Variants in FGD5 observed in about 807,000 individuals in gnomAD.
FGD5 encodes FYVE, RhoGEF and PH domain containing 5, also known as FYVE, RhoGEF and PH domain-containing protein 5.
FGD5 carries 28 observed loss-of-function variants against 133.4 expected under a neutral mutation model. The ratio of observed to expected loss-of-function variants is 0.21; its 90% confidence interval spans 0.16 to 0.29. The LOEUF is 0.29. FGD5 is among the 10% of genes least tolerant of loss of function. FGD5 has a pLI of 1.00. For synonymous variants in FGD5, 810 were observed against 776.5 expected, an observed-to-expected ratio of 1.04 and a Z score of -0.72; for missense variants, 1,858 against 1,895.2, an observed-to-expected ratio of 0.98 and a Z score of 0.36.
chr3:14,890,836 T>A (rs889454251), intron 4 of FGD5, among the ~76,000 whole-genome samples: 2 of 152,196 alleles, frequency 1.3e-5, no homozygotes, highest in Non-Finnish European at 2.9e-5. Flanking sequence ...GTTCTTCCTT[T>A]TCTCTCCCAG....
chr3:14,925,301 C>T (rs758161861), intron 17 of FGD5, among the ~76,000 whole-genome samples: 1 of 152,110 alleles, frequency 6.6e-6, no homozygotes, highest in Non-Finnish European at 1.5e-5. Context: ...CATAGATCTT[C>T]TTTTTCTACC....
rs961413312 is a variant in FGD5 at position 14,820,472 on chromosome 3, G to T, written c.1401G>T (p.Glu467Asp). ...AAGAAGAATTGAACTGTGAGGCAGA[G>T]GGTGGCCTGGTTCCCGCGGACAGGA... The part of the protein sequence containing the change: ...GSKEELNCEA[E>D]GGLVPADRKN... Residue 467 changes from glutamate to aspartate, a missense_variant, in exon 1 of 20, where the codon GAG becomes GAT. By Grantham distance (45) the Glu-to-Asp change is conservative. This residue lies in a region of FGD5 where 1,824 missense variants were observed against 1,848.9 expected (regional missense o/e 0.99). Coordinates refer to ENST00000285046, the MANE Select transcript of FGD5 (RefSeq NM_152536.4). 1 of 1,613,866 alleles carries T rather than the reference G, an allele frequency of 6.2e-7. No homozygotes were observed. Among genetic ancestry groups the T allele is most frequent in the Non-Finnish European group, 8.5e-7 (1 of 1,179,898 alleles).
At chr3:14,901,645 C>T (rs1204100825) in intron 9 of FGD5, among the ~76,000 whole-genome samples, 1 of 152,178 alleles carries the variant, frequency 6.6e-6, no homozygotes. Flanking sequence ...AAGCCCGAGT[C>T]CTAGGTCACT....
At chr3:14,868,174 T>G (rs867333221) in intron 2 of FGD5, among the ~76,000 whole-genome samples, 14 of 152,212 alleles carry the variant, frequency 9.2e-5, no homozygotes, top group Non-Finnish European at 1.0e-4. Context: ...CTCGCTGACG[T>G]GTCGGCCCTC....
intron 1 of FGD5, among the ~76,000 whole-genome samples, chr3:14,827,351 C>T (rs796559968): frequency 4.9e-4 from 72 of 146,774 alleles, no homozygotes; most frequent in African/African-American, 1.8e-3. Context: ...TGCAGTGGCG[C>T]GATCTCGGCT....
intron 4 of FGD5, 135 bp downstream of exon 4, chr3:14,880,907 G>A: frequency 2.6e-6 from 3 of 1,146,780 alleles, no homozygotes; most frequent in Non-Finnish European, 3.8e-6. Context: ...ACTCACCGAC[G>A]CTTTTCAGGG....
intron 4 of FGD5, among the ~76,000 whole-genome samples, chr3:14,893,752 CTTTTTTTTTTTT>C (rs138741627): frequency 2.1e-5 from 2 of 95,060 alleles, no homozygotes; most frequent in Admixed American, 1.5e-4. Flanking sequence ...TTTCTTTTTT[CTTTTTTTTTTTT>C]TTTTTTTTGA....
chr3:14,835,399 C>G (rs1043799085), intron 1 of FGD5, among the ~76,000 whole-genome samples: 1 of 151,908 alleles, frequency 6.6e-6, no homozygotes, highest in African/African-American at 2.4e-5. Context: ...GCTTGGAAGG[C>G]TGAGGCACAA....
intron 4 of FGD5, among the ~76,000 whole-genome samples, chr3:14,884,419 G>A (rs932592880): frequency 2.0e-5 from 3 of 152,158 alleles, no homozygotes; most frequent in African/African-American, 4.8e-5. Flanking sequence ...CTCCTTTACC[G>A]TTTACTTCAT....
intron 2 of FGD5, among the ~76,000 whole-genome samples, chr3:14,871,519 T>C (rs13098817): frequency 0.044 from 6,632 of 152,274 alleles, 186 homozygotes; most frequent in Middle Eastern, 0.071. Context: ...GGCTCCCCCA[T>C]AGCCATGCAG....
At chr3:14,902,605 G>A (rs1234172793) in intron 9 of FGD5, among the ~76,000 whole-genome samples, 1 of 152,134 alleles carries the variant, frequency 6.6e-6, no homozygotes. Context: ...GGTCAGACAT[G>A]CCCTTTTAAT....
At position 14,917,133 on chromosome 3, in the gene FGD5, G is replaced by A. The variant is rs1384319275; in HGVS notation, c.3406-116G>A. The A allele has an allele frequency of 2.4e-6, 2 of 850,400 alleles. No individual in the cohort carries two copies. Among genetic ancestry groups the A allele is most frequent in the Non-Finnish European group, 3.6e-6 (2 of 554,074 alleles). 52.7% of individuals were successfully genotyped at this position (850,400 alleles called of 1,614,324 possible). ...GCAACGTTTTTGCTCACCTGTGGGG[G>A]TTACTGAGGAATACAAGATGCCTGT... is the stretch of plus-strand genomic sequence containing the variant. On this transcript the variant is annotated intron_variant, in intron 11 of 19. Transcript: ENST00000285046. This position sits in a 1 kb window ranked among gnomAD's most constrained non-coding sequence, Gnocchi z 4.1.
chr3:14,820,634 G>C lies in FGD5; in HGVS notation c.1563G>C (p.Lys521Asn). 2 of 1,603,836 alleles carry C rather than the reference G, an allele frequency of 1.2e-6. No individual in the cohort carries two copies. The highest frequency in any genetic ancestry group is 8.5e-7 in the Non-Finnish European group (1 of 1,175,460). ...GIGGAAEEVGKTLLSLEGKPL... is the reference protein window; with the variant it reads ...GIGGAAEEVGNTLLSLEGKPL... ...GAGGTGCCGCAGAGGAGGTGGGAAA[G>C]ACGCTTTTGTCATTGGAGGGGAAGC... The change falls in exon 1 of 20, where the codon AAG (lysine) becomes AAC (asparagine). Residue 521 changes from lysine (K) to asparagine (N), a missense_variant. By Grantham distance (94) the Lys-to-Asn change is moderately conservative (BLOSUM62 0). Coordinates refer to ENST00000285046, the MANE Select transcript of FGD5 (RefSeq NM_152536.4).
intron 4 of FGD5, among the ~76,000 whole-genome samples, chr3:14,887,888 C>T (rs960535333): frequency 3.3e-5 from 5 of 151,918 alleles, no homozygotes; most frequent in Admixed American, 2.0e-4. Flanking sequence ...CATTTAGGCC[C>T]GGTATGGTGG....
chr3:14,880,269 G>A (rs1220685843), intron 2 of FGD5, among the ~76,000 whole-genome samples: 12 of 152,098 alleles, frequency 7.9e-5, no homozygotes, highest in Admixed American at 6.5e-4. Flanking sequence ...TAGGAGGATC[G>A]CTTGAGCCTG....
intron 1 of FGD5, among the ~76,000 whole-genome samples, chr3:14,854,405 A>G (rs2037232389): frequency 8.6e-6 from 1 of 116,084 alleles, no homozygotes; most frequent in Admixed American, 8.6e-5. Flanking sequence ...TTATTTATTT[A>G]TTTATTTATT....
chr3:14,816,685 T>C (rs1357723654), upstream of FGD5, among the ~76,000 whole-genome samples: 1 of 152,232 alleles, frequency 6.6e-6, no homozygotes, highest in East Asian at 1.9e-4. Context: ...TGTTTTGTTT[T>C]TCACTAATAT....
intron 1 of FGD5, among the ~76,000 whole-genome samples, chr3:14,851,708 A>C (rs1005997666): frequency 6.6e-6 from 1 of 152,136 alleles, no homozygotes; most frequent in Non-Finnish European, 1.5e-5. Context: ...ATCTTCTAAA[A>C]GTTTAAATTC....
At chr3:14,813,326 C>G (rs2036322523) in intron 1 of FGD5, among the ~76,000 whole-genome samples, 2 of 152,230 alleles carry the variant, frequency 1.3e-5, no homozygotes, top group South Asian at 4.2e-4. Context: ...GCATGCTCTT[C>G]CCACACTGTC....
Sources: allele counts gnomAD v4.1 joint callset (sites outside exome capture counted in the v4.1 genomes callset), GRCh38; gene constraint gnomAD v4.1.1; regional missense constraint gnomAD v4.1.1; non-coding constraint Gnocchi (gnomAD v3.1); transcripts MANE v1.5; gene names NCBI Gene and HGNC (gene_info 2026-07-23, HGNC 2026-07-21).